EPHA3: variants seen among roughly 807,000 people sequenced by gnomAD.
The protein encoded by EPHA3 is ephrin type-A receptor 3.
In EPHA3, 42 loss-of-function variants were observed where a neutral mutation model predicts 107.1. That is an observed-to-expected ratio of 0.39 (90% CI 0.31 to 0.51). EPHA3 has a LOEUF of 0.51. Among genes scored for constraint, EPHA3 ranks in the 20% least tolerant of loss-of-function variants. EPHA3 has a pLI of 0.78. For synonymous variants in EPHA3, 461 were observed against 424.8 expected, an observed-to-expected ratio of 1.09 and a Z score of -1.05; for missense variants, 1,183 against 1,211.2, an observed-to-expected ratio of 0.98 and a Z score of 0.35.
chr3:89,262,705 C>T (rs535058985), intron 3 of EPHA3, among the ~76,000 whole-genome samples: 9 of 152,354 alleles, frequency 5.9e-5, no homozygotes, highest in African/African-American at 2.2e-4. Flanking sequence ...GGAGGGAGTG[C>T]GTAAGTGAAC....
At chr3:89,378,940 C>T (rs1249683722) in intron 5 of EPHA3, among the ~76,000 whole-genome samples, 2 of 152,216 alleles carry the variant, frequency 1.3e-5, no homozygotes, top group Non-Finnish European at 2.9e-5. Flanking sequence ...AGTATTGATG[C>T]AATTTACTTA....
chr3:89,432,978 T>C (rs867696781), intron 13 of EPHA3, among the ~76,000 whole-genome samples: 26 of 152,120 alleles, frequency 1.7e-4, no homozygotes, highest in African/African-American at 5.8e-4. Context: ...TTTAATTAAA[T>C]AAAGCACTAT....
intron 1 of EPHA3, among the ~76,000 whole-genome samples, chr3:89,124,508 A>G (rs1033936658): frequency 5.9e-5 from 9 of 152,258 alleles, no homozygotes; most frequent in African/African-American, 2.2e-4. Flanking sequence ...TTATAAATCC[A>G]AAGTATGTGC....
intron 11 of EPHA3, among the ~76,000 whole-genome samples, chr3:89,425,237 TATTTC>T (rs144344905): frequency 0.037 from 5,569 of 151,572 alleles, 345 homozygotes; most frequent in African/African-American, 0.13. Flanking sequence ...CTCAGCTCAA[TATTTC>T]ATTTCAATAT....
At chr3:89,394,749 G>C (rs1708814720) in intron 5 of EPHA3, among the ~76,000 whole-genome samples, 1 of 152,146 alleles carries the variant, frequency 6.6e-6, no homozygotes, top group Non-Finnish European at 1.5e-5. Flanking sequence ...TCCTTGATTT[G>C]AGAAAAATCT....
At chr3:89,251,662 A>T (rs2107264120) in intron 3 of EPHA3, among the ~76,000 whole-genome samples, 1 of 152,266 alleles carries the variant, frequency 6.6e-6, no homozygotes, top group East Asian at 1.9e-4. Context: ...AAATATATTA[A>T]GTAATCAAGT....
rs556234421 is a variant in EPHA3, at chr3:89,454,604, T to C, written c.2690+4234T>C. On this transcript the variant is annotated intron_variant, in intron 15 of 16. Coordinates refer to ENST00000336596, the MANE Select transcript of EPHA3 (RefSeq NM_005233.6). ...TTTTGCACAGCCTCCAGAATCTTCTTATCAAAACATATATGATATAGTTTC... is the reference window on the plus strand; with the variant it reads ...TTTTGCACAGCCTCCAGAATCTTCTCATCAAAACATATATGATATAGTTTC... Among the ~76,000 whole-genome samples the C allele has an allele frequency of 9.8e-5, 15 of 152,330 alleles. No homozygotes were observed. In the Middle Eastern group the frequency reaches 0.017, roughly 173 times the overall value.
At chr3:89,186,735 CA>C (rs1705577102) in intron 2 of EPHA3, among the ~76,000 whole-genome samples, 1 of 151,946 alleles carries the variant, frequency 6.6e-6, no homozygotes, top group Admixed American at 6.6e-5. Flanking sequence ...TGCCACAGTA[CA>C]TTCAGTGTTT....
At chr3:89,193,895 T>G (rs1705776834) in intron 2 of EPHA3, among the ~76,000 whole-genome samples, 1 of 152,030 alleles carries the variant, frequency 6.6e-6, no homozygotes, top group South Asian at 2.1e-4. Flanking sequence ...TTATAAATGT[T>G]CCTTCATCTC....
Position 89,408,433 on chromosome 3 carries a change from C to T in EPHA3, c.1762+302C>T, listed in dbSNP as rs564981738. Among the ~76,000 whole-genome samples the T allele has an allele frequency of 2.0e-4, 30 of 152,144 alleles. No individual in the cohort carries two copies. In the South Asian group the frequency reaches 5.4e-3, roughly 27 times the overall value. On this transcript the variant is annotated intron_variant, in intron 9 of 16. Coordinates refer to ENST00000336596, the MANE Select transcript of EPHA3 (RefSeq NM_005233.6). ...TGCTCTGCATGGCTGAAATGCAAAG[C>T]GTATCTTCAATTTCCTTATTACTAG...
chr3:89,147,375 T>C (rs1314014336), intron 2 of EPHA3, among the ~76,000 whole-genome samples: 2 of 151,804 alleles, frequency 1.3e-5, no homozygotes, highest in Non-Finnish European at 2.9e-5. Context: ...CTTTTCTAAA[T>C]GTAAGGTTTC....
intron 2 of EPHA3, among the ~76,000 whole-genome samples, chr3:89,156,525 T>C (rs1458546403): frequency 6.6e-6 from 1 of 152,060 alleles, no homozygotes; most frequent in East Asian, 1.9e-4. Flanking sequence ...TCAGTCTAAG[T>C]GCCAAAATCA....
rs1576256639 is a variant in EPHA3 at position 89,239,650 on chromosome 3, A to G, written c.814+29130A>G. Among the ~76,000 whole-genome samples, 4 of 152,310 alleles carry G rather than the reference A, an allele frequency of 2.6e-5. No individual in the cohort carries two copies. The South Asian group carries it at 8.3e-4, about 32-fold the overall frequency. On this transcript the variant is annotated intron_variant, in intron 3 of 16. Transcript: ENST00000336596. ...AACTCAGGATTACAGATATAAACAC[A>G]TCACAGACATTTATCACCACTATTC... is the stretch of plus-strand genomic sequence containing the variant.
intron 5 of EPHA3, among the ~76,000 whole-genome samples, chr3:89,351,965 C>A (rs1349020427): frequency 1.3e-5 from 2 of 148,294 alleles, no homozygotes; most frequent in Admixed American, 1.4e-4. Context: ...AAGACCAACA[C>A]TTATTGATAG....
Position 89,429,131 on chromosome 3 carries a change from A to T in EPHA3, c.2100A>T (p.Glu700Asp). 6.2e-7 allele frequency: 1 copy of T among 1,610,810 alleles called. No individual in the cohort carries two copies. Among genetic ancestry groups the T allele is most frequent in the Non-Finnish European group, 8.5e-7 (1 of 1,177,620 alleles). The change falls in exon 12 of 17, where the codon GAA (glutamate) becomes GAT (aspartate). Residue 700 changes from glutamate (E) to aspartate (D), a missense_variant. Coordinates refer to ENST00000336596, the MANE Select transcript of EPHA3 (RefSeq NM_005233.6). The stretch of plus-strand genomic sequence containing the variant: ...GTAAGCCAGTTATGATTGTCACAGA[A>T]TACATGGAGAATGGTTCCTTGGATA... ...TKSKPVMIVT[E>D]YMENGSLDSF...
intron 3 of EPHA3, among the ~76,000 whole-genome samples, chr3:89,211,690 C>A (rs1170543885): frequency 6.7e-6 from 1 of 150,340 alleles, no homozygotes; most frequent in African/African-American, 2.4e-5. Flanking sequence ...CCTCTCTCTC[C>A]TCCCCCTCCC....
intron 9 of EPHA3, among the ~76,000 whole-genome samples, chr3:89,410,746 A>G (rs539219021): frequency 6.6e-6 from 1 of 151,972 alleles, no homozygotes; most frequent in Non-Finnish European, 1.5e-5. Flanking sequence ...TATTTTAGTA[A>G]TGGTTACTTA....
intron 3 of EPHA3, among the ~76,000 whole-genome samples, chr3:89,311,182 T>G (rs1259483452): frequency 6.6e-6 from 1 of 152,024 alleles, no homozygotes; most frequent in South Asian, 2.1e-4. Flanking sequence ...TGCCCCTCCC[T>G]ATGTTATAAA....
intron 2 of EPHA3, among the ~76,000 whole-genome samples, chr3:89,176,729 A>G (rs1234894109): frequency 6.6e-6 from 1 of 152,134 alleles, no homozygotes. Context: ...CTATAAGTTT[A>G]TTAATACATA....
Sources: gnomAD v4.1 joint callset for allele counts (sites outside exome capture counted in the v4.1 genomes callset) on GRCh38, gnomAD v4.1.1 for gene constraint, MANE v1.5 for transcripts, NCBI Gene and HGNC (gene_info 2026-07-23, HGNC 2026-07-21) for gene names.